MORN4: variants seen among roughly 807,000 people sequenced by gnomAD.
MORN4 encodes MORN repeat containing 4.
In MORN4, 8 loss-of-function variants were observed where a neutral mutation model predicts 16.4. The observed-to-expected ratio is 0.49, with a 90% CI of 0.29 to 0.88. MORN4 has a LOEUF of 0.88. Among genes scored for constraint, MORN4 ranks in the 40% least tolerant of loss-of-function variants. The pLI is 0.09. For synonymous variants in MORN4, 53 were observed against 68.9 expected, an observed-to-expected ratio of 0.77 and a Z score of 1.14; for missense variants, 159 against 182.9, an observed-to-expected ratio of 0.87 and a Z score of 0.75.
At chr10:97,616,843 G>T in intron 3 of MORN4, 56 bp from the exon 4 acceptor site, 1 of 1,228,546 alleles carries the variant, frequency 8.1e-7, no homozygotes, top group Non-Finnish European at 1.2e-6. Context: ...CCAGATGAAC[G>T]GAGTCGAGCA....
At chr10:97,625,910 G>A (rs954089420) in intron 1 of MORN4, among the ~76,000 whole-genome samples, 1 of 152,082 alleles carries the variant, frequency 6.6e-6, no homozygotes, top group Non-Finnish European at 1.5e-5. Context: ...TAGGACTATA[G>A]GCACACACCA....
chr10:97,633,442 C>A lies in MORN4; in HGVS notation c.-126G>T. On this transcript the variant is annotated 5_prime_UTR_variant, in exon 1 of 5. The change creates a premature stop within an existing upstream ORF in the 5' untranslated region. Coordinates refer to ENST00000307450, the MANE Select transcript of MORN4 (RefSeq NM_178832.4). This position sits in a 1 kb window ranked among gnomAD's most constrained non-coding sequence, Gnocchi z 4.5. ...ATGGGCTCCCGGCTGCCACCTTGCT[C>A]TCCGCCACCTCCACCAGCGATTGCC... 7.8e-7 allele frequency: 1 copy of A among 1,289,910 alleles called. No homozygotes were observed. The highest frequency in any genetic ancestry group is 1.0e-6 in the Non-Finnish European group (1 of 988,898). 79.9% of individuals were successfully genotyped at this position (1,289,910 alleles called of 1,614,324 possible). A position where few individuals can be genotyped will look rare whatever the true frequency, so the allele number is the denominator to read the frequency against.
At chr10:97,630,321 C>A (rs1326143690) in intron 1 of MORN4, among the ~76,000 whole-genome samples, 1 of 152,202 alleles carries the variant, frequency 6.6e-6, no homozygotes, top group Non-Finnish European at 1.5e-5. Flanking sequence ...CCCTCCTCAA[C>A]CTCCCAAAGT....
intron 1 of MORN4, among the ~76,000 whole-genome samples, chr10:97,623,386 A>G (rs1401489376): frequency 6.6e-6 from 1 of 152,098 alleles, no homozygotes; most frequent in African/African-American, 2.4e-5. Context: ...CTGAGGCTGC[A>G]GTAAGTCATG....
intron 1 of MORN4, among the ~76,000 whole-genome samples, chr10:97,624,530 C>T (rs953056168): frequency 3.9e-5 from 6 of 152,116 alleles, no homozygotes; most frequent in African/African-American, 9.7e-5. Context: ...GTGATCCTCC[C>T]GCTTCATCCT....
rs751049346 is a variant in MORN4, at chr10:97,616,759, A to C, written c.211T>G (p.Phe71Val). Reference protein sequence around the residue: ...RYEGEFAQGKFNGVGVFIRYD... With the variant: ...RYEGEFAQGKVNGVGVFIRYD... The stretch of plus-strand genomic sequence containing the variant: ...CGAATGAAGACTCCGACGCCATTAA[A>C]CTTGCCCTGGGCAAACTCCCCCTCA... The change falls in exon 4 of 5, where the codon TTT (phenylalanine) becomes GTT (valine). Residue 71 changes from phenylalanine (F) to valine (V), a missense_variant. Transcript: ENST00000307450. The C allele has an allele frequency of 1.9e-6, 3 of 1,614,114 alleles. No individual in the cohort carries two copies. Among genetic ancestry groups the C allele is most frequent in the South Asian group, 2.2e-5 (2 of 91,080 alleles).
Position 97,633,256 on chromosome 10 carries a change from C to T in MORN4, c.-31+91G>A, listed in dbSNP as rs564036724. On this transcript the variant is annotated intron_variant, in intron 1 of 4. Transcript: ENST00000307450. The surrounding 1 kb of genome is among the most constrained non-coding windows in gnomAD (Gnocchi z 4.5). ...CGTATCCGAGGTGGAGCCGCGCCCC[C>T]GAGCCGGGTCATCTCGTGCTCCGTT... is the stretch of plus-strand genomic sequence containing the variant. 9.7e-6 allele frequency: 12 copies of T among 1,234,728 alleles called. No individual in the cohort carries two copies. In the African/African-American group the frequency reaches 1.9e-4, roughly 19 times the overall value. 76.5% of individuals were successfully genotyped at this position (1,234,728 alleles called of 1,614,324 possible). A position where few individuals can be genotyped will look rare whatever the true frequency, so the allele number is the denominator to read the frequency against.
intron 1 of MORN4, among the ~76,000 whole-genome samples, chr10:97,622,048 A>G (rs1009087573): frequency 6.6e-6 from 1 of 152,126 alleles, no homozygotes; most frequent in Non-Finnish European, 1.5e-5. Context: ...AATGAGTCCA[A>G]TCTAGTCTAC....
chr10:97,633,860 G>T (rs1213868162), upstream of MORN4, among the ~76,000 whole-genome samples: 1 of 152,226 alleles, frequency 6.6e-6, no homozygotes, highest in East Asian at 1.9e-4. This position sits in a 1 kb window ranked among gnomAD's most constrained non-coding sequence, Gnocchi z 4.5. Flanking sequence ...CAGAGAGGCA[G>T]CTTTGTAAAT....
chr10:97,628,719 A>C (rs1380094208), intron 1 of MORN4, among the ~76,000 whole-genome samples: 1 of 151,986 alleles, frequency 6.6e-6, no homozygotes, highest in East Asian at 1.9e-4. Context: ...TTTAGTAGAG[A>C]TGGGGTTTCA....
intron 1 of MORN4, among the ~76,000 whole-genome samples, chr10:97,628,305 G>T (rs994513439): frequency 6.6e-6 from 1 of 152,216 alleles, no homozygotes; most frequent in Non-Finnish European, 1.5e-5. Flanking sequence ...AGGAGTTATT[G>T]CAGTGGGATT....
intron 1 of MORN4, among the ~76,000 whole-genome samples, chr10:97,632,710 T>C (rs2041407365): frequency 6.6e-6 from 1 of 151,908 alleles, no homozygotes; most frequent in South Asian, 2.1e-4. Flanking sequence ...AAGATTTTTT[T>C]TTTTTTTTAT....
At position 97,614,662 on chromosome 10, in the gene MORN4, A is replaced by C. The variant is rs1340579104; in HGVS notation, c.*1601T>G. On this transcript the variant is annotated 3_prime_UTR_variant, in exon 5 of 5. Coordinates refer to ENST00000307450, the MANE Select transcript of MORN4 (RefSeq NM_178832.4). ...TAACTTCCACCACAATCTGCTGTTG[A>C]AGAGACATTCAATGTGAGGCTAGGG... 2 of 152,628 alleles carry C rather than the reference A, an allele frequency of 1.3e-5. No homozygotes were observed. Among genetic ancestry groups the C allele is most frequent in the Non-Finnish European group, 2.9e-5 (2 of 68,042 alleles). 9.5% of individuals were successfully genotyped at this position (152,628 alleles called of 1,614,324 possible).
At chr10:97,620,488 C>CAAAAAAAAAAAA (rs1210683127) in intron 1 of MORN4, among the ~76,000 whole-genome samples, 22 of 40,992 alleles carry the variant, frequency 5.4e-4, no homozygotes, top group East Asian at 1.5e-3. Flanking sequence ...GACTCTGTCT[C>CAAAAAAAAAAAA]AAAAAAAAAA....
At chr10:97,632,408 G>A (rs1400764154) in intron 1 of MORN4, among the ~76,000 whole-genome samples, 1 of 151,764 alleles carries the variant, frequency 6.6e-6, no homozygotes, top group Admixed American at 6.6e-5. Context: ...TAGTAGAGAC[G>A]AGGTTTCACC....
Position 97,626,392 on chromosome 10 carries a change from AATAATCATAATCATAATC to A in MORN4, c.-30-6727_-30-6710del, listed in dbSNP as rs201213853. 6.9e-4 allele frequency among the ~76,000 whole-genome samples: 80 copies of A among 115,366 alleles called. 1 individual carries two copies. Among genetic ancestry groups the A allele is most frequent in the South Asian group, 3.4e-3 (12 of 3,576 alleles). The allele number at this position is 115,366 out of a possible 152,430, so 75.7% of individuals were successfully genotyped here. Reference sequence around the variant, plus strand: ...ACTCTGACTCAAAAATAATAATAATAATAATCATAATCATAATCATAATCATAATCATAATCATAATAT... The same window carrying A: ...ACTCTGACTCAAAAATAATAATAATAATAATCATAATCATAATCATAATAT... On this transcript the variant is annotated intron_variant, in intron 1 of 4. Coordinates refer to ENST00000307450, the MANE Select transcript of MORN4 (RefSeq NM_178832.4).
upstream of MORN4, chr10:97,633,706 AG>A: frequency 8.6e-7 from 1 of 1,169,480 alleles, no homozygotes; most frequent in Non-Finnish European, 1.1e-6. This position sits in a 1 kb window ranked among gnomAD's most constrained non-coding sequence, Gnocchi z 4.5. Flanking sequence ...GAGGCCGTCT[AG>A]TTGAAATGGC....
intron 1 of MORN4, among the ~76,000 whole-genome samples, chr10:97,626,604 C>T (rs1451586020): frequency 2.6e-5 from 4 of 151,106 alleles, no homozygotes; most frequent in Admixed American, 6.6e-5. Flanking sequence ...TTCAGGTGAC[C>T]GTCACCATGG....
chr10:97,620,667 A>C (rs2135736775), intron 1 of MORN4, among the ~76,000 whole-genome samples: 1 of 151,972 alleles, frequency 6.6e-6, no homozygotes. Flanking sequence ...GTGTAGGTAC[A>C]TGTAGCCACA....
Sources: allele counts gnomAD v4.1 joint callset (sites outside exome capture counted in the v4.1 genomes callset), GRCh38; gene constraint gnomAD v4.1.1; non-coding constraint Gnocchi (gnomAD v3.1); transcripts MANE v1.5; gene names NCBI Gene and HGNC (gene_info 2026-07-23, HGNC 2026-07-21).